Variants in RPS6KA5 observed in about 807,000 individuals in gnomAD.
RPS6KA5 encodes the protein ribosomal protein S6 kinase A5.
Under a neutral mutation model 85.5 loss-of-function variants are expected in RPS6KA5, and 27 were observed. The ratio of observed to expected loss-of-function variants is 0.32; its 90% CI spans 0.23 to 0.44. The LOEUF (loss-of-function observed/expected upper bound fraction) is 0.44. Ranked by LOEUF, RPS6KA5 falls within the 20% of genes least tolerant of loss-of-function variation. The pLI, the probability that RPS6KA5 is intolerant of heterozygous loss-of-function variation, is 1.00. For synonymous variants in RPS6KA5, 334 were observed against 348.2 expected, an observed-to-expected ratio of 0.96 and a Z score of 0.46; for missense variants, 811 against 980.9, an observed-to-expected ratio of 0.83 and a Z score of 2.31.
chr14:90,902,879 C>A lies in RPS6KA5; in HGVS notation c.1048G>T (p.Glu350Ter). Residue 350 changes from glutamate (E) to a stop codon, truncating the protein, a stop_gained, in exon 9 of 17, where the codon GAA (glutamate) becomes TAA (stop). Coordinates refer to ENST00000614987, the MANE Select transcript of RPS6KA5 (RefSeq NM_004755.4). LOFTEE classifies it high-confidence loss of function. ...RDELDVSNFA[E>*]EFTEMDPTYS... ...GTGGGATCCATTTCTGTGAACTCTT[C>A]TGCAAAGTTACTCACATCTAATTCA... 6.2e-7 allele frequency: 1 copy of A among 1,614,098 alleles called. No individual in the cohort carries two copies. Among genetic ancestry groups the A allele is most frequent in the Non-Finnish European group, 8.5e-7 (1 of 1,179,986 alleles).
chr14:91,007,679 C>A (rs1047453279), intron 1 of RPS6KA5, among the ~76,000 whole-genome samples: 1 of 150,852 alleles, frequency 6.6e-6, no homozygotes, highest in Admixed American at 6.6e-5. Context: ...GTTCCAATTT[C>A]TCCACATTCT....
At chr14:91,059,175 C>G (rs1261526714) in intron 1 of RPS6KA5, among the ~76,000 whole-genome samples, 2 of 149,384 alleles carry the variant, frequency 1.3e-5, no homozygotes, top group Non-Finnish European at 3.0e-5. Context: ...ACCCCGCCCC[C>G]ACAAAAAATA....
At chr14:91,058,261 C>T (rs1002406614) in intron 1 of RPS6KA5, among the ~76,000 whole-genome samples, 11 of 152,196 alleles carry the variant, frequency 7.2e-5, no homozygotes, top group African/African-American at 2.7e-4. Context: ...GTTAACAGTA[C>T]TAATGAATTC....
intron 7 of RPS6KA5, among the ~76,000 whole-genome samples, chr14:90,915,421 T>C (rs1354350096): frequency 2.0e-5 from 3 of 152,214 alleles, no homozygotes; most frequent in Admixed American, 1.3e-4. Context: ...TCACAGGCTC[T>C]GACAAAGAGA....
Position 90,962,208 on chromosome 14 carries a change from A to C in RPS6KA5, c.395-14658T>G, listed in dbSNP as rs2140423262. ...CCTGAAGAGTGGCATGAAACTTCTT[A>C]TTATTGTTAGTCTAGGAAGTACATA... is the stretch of plus-strand genomic sequence containing the variant. On this transcript the variant is annotated intron_variant, in intron 3 of 16. Transcript: ENST00000614987. Among the ~76,000 whole-genome samples, 3 of 152,142 alleles carry C rather than the reference A, an allele frequency of 2.0e-5. No individual in the cohort carries two copies. The East Asian group carries it at 5.8e-4, about 29-fold the overall frequency.
At chr14:90,948,106 G>A (rs1169364663) in intron 3 of RPS6KA5, among the ~76,000 whole-genome samples, 1 of 152,162 alleles carries the variant, frequency 6.6e-6, no homozygotes, top group Non-Finnish European at 1.5e-5. Flanking sequence ...TCTGAAAGTA[G>A]AAGATTACCA....
Position 90,866,887 on chromosome 14 carries a change from T to C in RPS6KA5, c.*5187A>G, listed in dbSNP as rs887122585. ...TTATTCAGCCAAAGAATGAGAATTA[T>C]TGTACATTGCTAGTATTTATAATTT... On this transcript the variant is annotated 3_prime_UTR_variant, in exon 17 of 17. Coordinates refer to ENST00000614987, the MANE Select transcript of RPS6KA5 (RefSeq NM_004755.4). 6.6e-5 allele frequency: 10 copies of C among 152,222 alleles called. No individual in the cohort carries two copies. The highest frequency in any genetic ancestry group is 1.3e-4 in the Non-Finnish European group (9 of 68,024). The allele number at this position is 152,222 out of a possible 1,614,324, so 9.4% of individuals were successfully genotyped here. A position where few individuals can be genotyped will look rare whatever the true frequency, so the allele number is the denominator to read the frequency against.
chr14:91,057,446 TCTGC>T (rs1219101071), intron 1 of RPS6KA5, among the ~76,000 whole-genome samples: 1 of 151,974 alleles, frequency 6.6e-6, no homozygotes, highest in Non-Finnish European at 1.5e-5. Flanking sequence ...GGACATGGTG[TCTGC>T]CTGCCTGCCT....
chr14:90,879,427 G>T (rs989769589), intron 14 of RPS6KA5, among the ~76,000 whole-genome samples: 3 of 152,242 alleles, frequency 2.0e-5, no homozygotes, highest in African/African-American at 7.2e-5. Flanking sequence ...ACTCAGCAAA[G>T]ATACCACCTG....
At chr14:90,876,286 C>T (rs2140145870) in intron 14 of RPS6KA5, among the ~76,000 whole-genome samples, 1 of 152,228 alleles carries the variant, frequency 6.6e-6, no homozygotes, top group South Asian at 2.1e-4. Context: ...ATTCCATTTC[C>T]ACCATCCTTT....
At chr14:90,882,576 A>G (rs2033912030) in intron 14 of RPS6KA5, among the ~76,000 whole-genome samples, 1 of 152,172 alleles carries the variant, frequency 6.6e-6, no homozygotes, top group Non-Finnish European at 1.5e-5. Flanking sequence ...TAATGAAGTA[A>G]TGAACTCCCT....
At chr14:90,987,704 A>G (rs1274379480) in intron 2 of RPS6KA5, among the ~76,000 whole-genome samples, 10 of 151,244 alleles carry the variant, frequency 6.6e-5, no homozygotes, top group Non-Finnish European at 1.3e-4. Flanking sequence ...AGCAGCCACA[A>G]CAACAACAAC....
At chr14:90,883,324 ATT>A (rs1284004509) in intron 14 of RPS6KA5, among the ~76,000 whole-genome samples, 2 of 150,734 alleles carry the variant, frequency 1.3e-5, no homozygotes, top group African/African-American at 4.9e-5. Context: ...GCTTTTTTTC[ATT>A]TTTCTCTCTG....
At chr14:91,052,458 C>G in intron 1 of RPS6KA5, 1 of 150,316 alleles carries the variant, frequency 6.7e-6, no homozygotes, top group Non-Finnish European at 1.3e-5. Flanking sequence ...AGAGTAGACT[C>G]GTCTCTTAAA....
At chr14:90,938,101 A>G (rs2037372248) in intron 5 of RPS6KA5, among the ~76,000 whole-genome samples, 1 of 152,250 alleles carries the variant, frequency 6.6e-6, no homozygotes, top group Non-Finnish European at 1.5e-5. Flanking sequence ...GAGTACAGGC[A>G]TTGGTTAAAT....
chr14:90,912,722 G>A (rs1057210377), intron 7 of RPS6KA5, among the ~76,000 whole-genome samples: 5 of 151,774 alleles, frequency 3.3e-5, no homozygotes, highest in African/African-American at 1.2e-4. Context: ...TGTTTCCCTA[G>A]GCCACACCAG....
chr14:90,904,836 A>G (rs2035413238), intron 8 of RPS6KA5, among the ~76,000 whole-genome samples: 1 of 152,208 alleles, frequency 6.6e-6, no homozygotes, highest in South Asian at 2.1e-4. Flanking sequence ...GCTACTGAAA[A>G]GAGAAATTTC....
At chr14:90,875,433 AAC>A in intron 14 of RPS6KA5, 73 bp from the exon 15 acceptor site, 2 of 1,361,356 alleles carry the variant, frequency 1.5e-6, no homozygotes, top group South Asian at 2.8e-5. Context: ...TCCTAATAGT[AAC>A]GTAACTGGTG....
At chr14:90,927,007 A>T (rs1439524590) in intron 5 of RPS6KA5, among the ~76,000 whole-genome samples, 1 of 152,138 alleles carries the variant, frequency 6.6e-6, no homozygotes, top group Admixed American at 6.5e-5. Context: ...AGCAGGTAGG[A>T]CTAAAATACT....
Sources: gnomAD v4.1 joint callset for allele counts (sites outside exome capture counted in the v4.1 genomes callset) on GRCh38, gnomAD v4.1.1 for gene constraint, MANE v1.5 for transcripts, NCBI Gene and HGNC (gene_info 2026-07-23, HGNC 2026-07-21) for gene names.